Variants in POLQ observed in about 807,000 individuals in gnomAD.
POLQ encodes the protein epididymis secretory sperm binding protein.
A neutral mutation model predicts 259.2 loss-of-function variants in POLQ; 233 were observed. That is an observed-to-expected ratio of 0.90 (90% CI 0.81 to 1.00). The LOEUF (loss-of-function observed/expected upper bound fraction) is 1.00. Ranked by LOEUF, POLQ falls within the 50% of genes least tolerant of loss-of-function variation. The pLI, the probability that POLQ is intolerant of heterozygous loss-of-function variation, is 0.00. For missense variants in POLQ, 2,871 were observed against 3,051.6 expected (o/e 0.94, Z 1.39); for synonymous variants, 1,025 against 1,048.8 (o/e 0.98, Z 0.44).
chr3:121,525,298 G>A (rs540274945), intron 7 of POLQ, among the ~76,000 whole-genome samples: 2 of 150,298 alleles, frequency 1.3e-5, no homozygotes, highest in South Asian at 2.1e-4. Context: ...CCAAGATAGC[G>A]CCACTACACT....
intron 19 of POLQ, among the ~76,000 whole-genome samples, chr3:121,481,305 G>A (rs1356528622): frequency 6.6e-6 from 1 of 152,188 alleles, no homozygotes; most frequent in Admixed American, 6.5e-5. Context: ...GCATGTTTTT[G>A]TAAAGTGTTA....
intron 12 of POLQ, among the ~76,000 whole-genome samples, chr3:121,503,378 A>C (rs1274607491): frequency 6.6e-6 from 1 of 152,244 alleles, no homozygotes; most frequent in Non-Finnish European, 1.5e-5. Context: ...GTCCTTAAGC[A>C]ATAATGACTA....
At position 121,522,053 on chromosome 3, in the gene POLQ, TCCAG is replaced by T; in HGVS notation, c.1201_1204del (p.Leu401ThrfsTer12). On this transcript the variant is annotated frameshift_variant, in exon 8 of 30. Transcript: ENST00000264233. LOFTEE classifies it high-confidence loss of function. ...TGGTACAGTTTTCTGTAATACAGAG[TCCAG>T]TCCTGAAGGCAAACGTCTTAACTGA... 1 of 1,607,630 alleles carries T rather than the reference TCCAG, an allele frequency of 6.2e-7. No individual in the cohort carries two copies. The highest frequency in any genetic ancestry group is 1.1e-5 in the South Asian group (1 of 90,298).
chr3:121,535,282 C>T (rs2048442052), intron 5 of POLQ, among the ~76,000 whole-genome samples: 1 of 152,086 alleles, frequency 6.6e-6, no homozygotes, highest in Admixed American at 6.5e-5. Context: ...AATTCCCAGA[C>T]AGAATTTAAA....
intron 5 of POLQ, among the ~76,000 whole-genome samples, chr3:121,536,054 A>G (rs1485098231): frequency 2.6e-5 from 4 of 152,228 alleles, no homozygotes; most frequent in African/African-American, 9.6e-5. Context: ...AATTAGCAGT[A>G]AGTATCTGGA....
intron 5 of POLQ, 83 bp from the exon 6 acceptor site, chr3:121,533,292 C>A (rs2048425483): frequency 1.2e-6 from 1 of 864,394 alleles, no homozygotes; most frequent in East Asian, 2.7e-5. Flanking sequence ...CTTGGTTATG[C>A]CCTTTGGTAC....
intron 27 of POLQ, among the ~76,000 whole-genome samples, chr3:121,439,357 A>T (rs1262667825): frequency 2.0e-5 from 3 of 152,050 alleles, no homozygotes; most frequent in Admixed American, 6.6e-5. Flanking sequence ...CAGCCTCCCA[A>T]GTAGCTAAGA....
In POLQ at chr3:121,434,797, C is replaced by T. The variant is rs1440038229; in HGVS notation, c.7543+1325G>A. Among the ~76,000 whole-genome samples the T allele has an allele frequency of 1.3e-5, 2 of 152,308 alleles. 1 individual carries two copies. The highest frequency in any genetic ancestry group is 3.9e-4 in the East Asian group (2 of 5,184). On this transcript the variant is annotated intron_variant, in intron 28 of 29. Coordinates refer to ENST00000264233, the MANE Select transcript of POLQ (RefSeq NM_199420.4). ...ACTAATCATGACCTTTCTGCCCCAT[C>T]TCTAGCAGCTTTTTCTTCCTCTGTA...
At chr3:121,465,145 G>C (rs955314683) in intron 24 of POLQ, among the ~76,000 whole-genome samples, 6 of 149,006 alleles carry the variant, frequency 4.0e-5, no homozygotes, top group Non-Finnish European at 7.4e-5. Flanking sequence ...GGAGTGCAGT[G>C]GCATGATCAT....
At chr3:121,494,223 T>A in intron 14 of POLQ, 1 of 1,509,902 alleles carries the variant, frequency 6.6e-7, no homozygotes. Flanking sequence ...CCTAAGAATT[T>A]TGGCACTGGA....
intron 2 of POLQ, among the ~76,000 whole-genome samples, chr3:121,542,336 G>A (rs144206333): frequency 1.3e-5 from 2 of 152,208 alleles, no homozygotes; most frequent in African/African-American, 2.4e-5. Flanking sequence ...GCTGCAGTGA[G>A]TTGCAGTCAC....
chr3:121,529,499 A>G (rs2048395746), intron 7 of POLQ, 146 bp downstream of exon 7: 1 of 752,024 alleles, frequency 1.3e-6, no homozygotes, highest in Non-Finnish European at 2.3e-6. Flanking sequence ...GAATCGCAAA[A>G]GCACAGTTTG....
At chr3:121,447,012 T>G (rs965618117) in intron 26 of POLQ, among the ~76,000 whole-genome samples, 4 of 151,874 alleles carry the variant, frequency 2.6e-5, no homozygotes, top group Admixed American at 6.6e-5. Context: ...TGTTCCATGG[T>G]TTTTTTTCTC....
intron 9 of POLQ, among the ~76,000 whole-genome samples, chr3:121,514,188 C>G (rs956122499): frequency 1.7e-4 from 26 of 149,642 alleles, no homozygotes; most frequent in African/African-American, 6.4e-4. Context: ...ATTAGCCAGG[C>G]ATGATGGCAC....
chr3:121,506,857 G>T (rs1410771877), intron 12 of POLQ, among the ~76,000 whole-genome samples: 2 of 151,728 alleles, frequency 1.3e-5, no homozygotes, highest in African/African-American at 4.8e-5. Flanking sequence ...TGATCCAAAT[G>T]TCCATCAATA....
intron 3 of POLQ, among the ~76,000 whole-genome samples, chr3:121,540,384 G>A (rs1464499777): frequency 6.6e-6 from 1 of 152,132 alleles, no homozygotes; most frequent in Non-Finnish European, 1.5e-5. Flanking sequence ...ACTGGGACTA[G>A]AACCCACATT....
chr3:121,506,257 AC>A (rs1321736813), intron 12 of POLQ, among the ~76,000 whole-genome samples: 47 of 144,984 alleles, frequency 3.2e-4, no homozygotes, highest in African/African-American at 1.1e-3. Flanking sequence ...ATATAAAAAA[AC>A]CTTTAAAACT....
At chr3:121,478,838 C>T (rs1425976880) in intron 19 of POLQ, among the ~76,000 whole-genome samples, 1 of 152,078 alleles carries the variant, frequency 6.6e-6, no homozygotes, top group Non-Finnish European at 1.5e-5. Context: ...CATTTTTAAA[C>T]ACATACACAC....
chr3:121,529,951 GA>G (rs1405353472), intron 6 of POLQ, among the ~76,000 whole-genome samples, 159 bp from the exon 7 acceptor site: 24 of 151,918 alleles, frequency 1.6e-4, no homozygotes. Context: ...AAAAAAAGAA[GA>G]AAAAATAAAC....
Sources: allele counts gnomAD v4.1 joint callset (sites outside exome capture counted in the v4.1 genomes callset), GRCh38; gene constraint gnomAD v4.1.1; transcripts MANE v1.5; gene names NCBI Gene and HGNC (gene_info 2026-07-23, HGNC 2026-07-21).